COL23A1: variants seen among roughly 807,000 people sequenced by gnomAD.
The protein encoded by COL23A1 is collagen type XXIII alpha 1 chain, also known as collagen alpha-1(XXIII) chain.
In COL23A1, 97 loss-of-function variants were observed where a neutral mutation model predicts 99.3. That is an observed-to-expected ratio of 0.98 (90% CI 0.83 to 1.16). COL23A1 has a LOEUF of 1.16. Ranked by LOEUF, COL23A1 falls within the 50% of genes most tolerant of loss-of-function variation. COL23A1 has a pLI of 0.00. For missense variants in COL23A1, 762 were observed against 757.4 expected, an observed-to-expected ratio of 1.01 and a Z score of -0.07; for synonymous variants, 320 against 308.2, an observed-to-expected ratio of 1.04 and a Z score of -0.40.
At chr5:178,288,480 G>A in intron 4 of COL23A1, 130 bp from the exon 5 acceptor site, 1 of 809,670 alleles carries the variant, frequency 1.2e-6, no homozygotes, top group Non-Finnish European at 2.2e-6. Flanking sequence ...TCTGCAGCGG[G>A]AGGACTCAAG....
intron 2 of COL23A1, among the ~76,000 whole-genome samples, chr5:178,475,120 AT>A (rs1302007875): frequency 6.6e-6 from 1 of 152,166 alleles, no homozygotes; most frequent in Admixed American, 6.5e-5. Flanking sequence ...GACAGCAATC[AT>A]TGGATTAGGG....
chr5:178,536,002 G>A (rs1052869624), intron 2 of COL23A1, among the ~76,000 whole-genome samples: 5 of 152,248 alleles, frequency 3.3e-5, no homozygotes, highest in Non-Finnish European at 7.3e-5. Context: ...GCCAGGCCCC[G>A]GGCCTTCCTC....
intron 2 of COL23A1, among the ~76,000 whole-genome samples, chr5:178,360,836 T>A (rs1762138028): frequency 6.6e-6 from 1 of 152,206 alleles, no homozygotes; most frequent in Non-Finnish European, 1.5e-5. Flanking sequence ...TCCACGTCCC[T>A]GGGCGGGCCA....
At chr5:178,389,609 C>T (rs1378687567) in intron 2 of COL23A1, among the ~76,000 whole-genome samples, 2 of 152,206 alleles carry the variant, frequency 1.3e-5, no homozygotes, top group African/African-American at 2.4e-5. Context: ...ACCCCCAAGT[C>T]GTAGAAGTGG....
intron 2 of COL23A1, among the ~76,000 whole-genome samples, chr5:178,541,413 C>T (rs1317340456): frequency 6.6e-6 from 1 of 152,152 alleles, no homozygotes; most frequent in African/African-American, 2.4e-5. Context: ...CATGGTGAAA[C>T]CCCGTCTCTA....
At chr5:178,504,596 G>A (rs1758760030) in intron 2 of COL23A1, among the ~76,000 whole-genome samples, 1 of 152,226 alleles carries the variant, frequency 6.6e-6, no homozygotes, top group Non-Finnish European at 1.5e-5. Flanking sequence ...GACTGGAAGT[G>A]GGTGTGGGGA....
intron 2 of COL23A1, among the ~76,000 whole-genome samples, chr5:178,335,218 C>T (rs552090777): frequency 5.9e-5 from 9 of 152,344 alleles, no homozygotes; most frequent in African/African-American, 2.2e-4. Context: ...AGGAATGCTA[C>T]ATTTTAAACC....
chr5:178,436,082 T>C (rs6422347), intron 2 of COL23A1, among the ~76,000 whole-genome samples: 43,486 of 151,910 alleles, frequency 0.29, 12,616 homozygotes, highest in African/African-American at 0.74. Context: ...ACATTTTAAC[T>C]GAGGCACGAA....
At chr5:178,356,561 T>C (rs1761664982) in intron 2 of COL23A1, among the ~76,000 whole-genome samples, 1 of 152,008 alleles carries the variant, frequency 6.6e-6, no homozygotes, top group South Asian at 2.1e-4. Flanking sequence ...ATGCATTCCT[T>C]CTTCCCAGAA....
intron 2 of COL23A1, among the ~76,000 whole-genome samples, chr5:178,531,333 G>A (rs1760636675): frequency 6.6e-6 from 1 of 152,188 alleles, no homozygotes; most frequent in Non-Finnish European, 1.5e-5. Context: ...ATGACCCAGT[G>A]TGGGGTGGGA....
At chr5:178,377,037 AG>A (rs1192607306) in intron 2 of COL23A1, among the ~76,000 whole-genome samples, 8 of 152,184 alleles carry the variant, frequency 5.3e-5, no homozygotes, top group African/African-American at 1.9e-4. Context: ...CACCGGCTGG[AG>A]GATGTCTCAA....
At chr5:178,267,049 C>A (rs1755941298) in intron 8 of COL23A1, among the ~76,000 whole-genome samples, 1 of 152,242 alleles carries the variant, frequency 6.6e-6, no homozygotes, top group African/African-American at 2.4e-5. Context: ...CACGTGCCAG[C>A]CCCACTGTCC....
intron 2 of COL23A1, among the ~76,000 whole-genome samples, chr5:178,456,809 G>T (rs1391654): frequency 1.3e-5 from 2 of 151,996 alleles, no homozygotes; most frequent in African/African-American, 4.8e-5. Flanking sequence ...CAAACGTAAC[G>T]AAGGATTGTT....
chr5:178,585,908 T>C (rs1411099747), intron 1 of COL23A1, among the ~76,000 whole-genome samples: 1 of 152,174 alleles, frequency 6.6e-6, no homozygotes, highest in Non-Finnish European at 1.5e-5. Context: ...ATGGCGACCC[T>C]GTGACCTAGC....
chr5:178,245,345 A>ATCC (rs1764627698), intron 25 of COL23A1, among the ~76,000 whole-genome samples: 2 of 134,082 alleles, frequency 1.5e-5, no homozygotes, highest in Admixed American at 1.5e-4. Flanking sequence ...TCCATCCATC[A>ATCC]TTCATCTATT....
chr5:178,588,757 T>G (rs1396932252), intron 1 of COL23A1, among the ~76,000 whole-genome samples: 1 of 152,156 alleles, frequency 6.6e-6, no homozygotes, highest in Non-Finnish European at 1.5e-5. Context: ...CCACTTTCCT[T>G]TGGAATCCAA....
chr5:178,530,319 G>A (rs750273230), intron 2 of COL23A1, among the ~76,000 whole-genome samples: 10 of 152,030 alleles, frequency 6.6e-5, no homozygotes, highest in East Asian at 1.9e-4. Context: ...AAGATTAGCC[G>A]GGTGCAGTGG....
chr5:178,561,988 G>A (rs982490567), intron 1 of COL23A1: 7 of 440,148 alleles, frequency 1.6e-5, no homozygotes, highest in East Asian at 1.2e-4. Context: ...AACAAGAGGC[G>A]CAGAGAGCGA....
chr5:178,434,976 A>AG lies in COL23A1; in HGVS notation c.361+125705dup, dbSNP rs1258957554. On this transcript the variant is annotated intron_variant, in intron 2 of 28. Transcript: ENST00000390654. This position sits in a 1 kb window ranked among gnomAD's most constrained non-coding sequence, Gnocchi z 4.3. ...TTCCCAGGGGCCTCTGCTGCAAGGG[A>AG]GGGGGTCGGCACCCGTCCAGCACCG... Among the ~76,000 whole-genome samples, 3 of 152,094 alleles carry AG rather than the reference A, an allele frequency of 2.0e-5. No homozygotes were observed. In the East Asian group the frequency reaches 5.8e-4, roughly 30 times the overall value.
Sources: allele counts gnomAD v4.1 joint callset (sites outside exome capture counted in the v4.1 genomes callset), GRCh38; gene constraint gnomAD v4.1.1; non-coding constraint Gnocchi (gnomAD v3.1); transcripts MANE v1.5; gene names NCBI Gene and HGNC (gene_info 2026-07-23, HGNC 2026-07-21).